The following ROBO1 variants were observed in gnomAD, a reference collection of about 807,000 sequenced individuals.
The protein encoded by ROBO1 is roundabout guidance receptor 1.
A neutral mutation model predicts 195.9 loss-of-function variants in ROBO1; 149 were observed. The observed-to-expected ratio is 0.76, with a 90% CI of 0.67 to 0.87. The LOEUF (loss-of-function observed/expected upper bound fraction) is 0.87, where lower values mean the gene tolerates loss of function less well. Among genes scored for constraint, ROBO1 ranks in the 40% least tolerant of loss-of-function variants. The probability of loss-of-function intolerance (pLI) is 0.00; values close to 1 mark genes in which losing one functional copy is unlikely to be tolerated. For missense variants in ROBO1, 1,933 were observed against 2,068.3 expected (o/e 0.93, Z 1.27); for synonymous variants, 816 against 733.2 (o/e 1.11, Z -1.82).
chr3:78,707,397 C>T (rs2081578558), intron 8 of ROBO1, among the ~76,000 whole-genome samples: 1 of 152,142 alleles, frequency 6.6e-6, no homozygotes, highest in Non-Finnish European at 1.5e-5. Context: ...TCCTTCACTG[C>T]ACAGTTGGCA....
At chr3:79,355,912 T>G (rs2035532494) in intron 2 of ROBO1, among the ~76,000 whole-genome samples, 1 of 152,206 alleles carries the variant, frequency 6.6e-6, no homozygotes, top group Admixed American at 6.5e-5. Context: ...TTTTATTTCC[T>G]TTTTGGATGT....
At chr3:79,327,209 T>A (rs2034248011) in intron 2 of ROBO1, among the ~76,000 whole-genome samples, 1 of 152,042 alleles carries the variant, frequency 6.6e-6, no homozygotes, top group African/African-American at 2.4e-5. Flanking sequence ...AATATTTCAT[T>A]TGAAGAAAAA....
chr3:79,503,614 G>C (rs556465296), intron 2 of ROBO1, among the ~76,000 whole-genome samples: 8 of 152,114 alleles, frequency 5.3e-5, no homozygotes, highest in Non-Finnish European at 1.0e-4. Flanking sequence ...TTGGAGGATA[G>C]GTCTGTGTCG....
At chr3:78,987,096 A>G (rs1214105870) in intron 3 of ROBO1, among the ~76,000 whole-genome samples, 1 of 146,930 alleles carries the variant, frequency 6.8e-6, no homozygotes, top group Non-Finnish European at 1.5e-5. Context: ...ATGACGAAGT[A>G]CTCTAAGTTT....
At position 79,499,702 on chromosome 3, in the gene ROBO1, A is replaced by G. The variant is rs754287361; in HGVS notation, c.88+90122T>C. Among the ~76,000 whole-genome samples the G allele has an allele frequency of 3.9e-5, 6 of 152,358 alleles. No individual in the cohort carries two copies. The East Asian group carries it at 9.6e-4, about 24-fold the overall frequency. Reference sequence around the variant, plus strand: ...GGTAATGTGAGTTTTGTCATTGGACATATCAGATAATTTACACTAGGTACA... The same window carrying G: ...GGTAATGTGAGTTTTGTCATTGGACGTATCAGATAATTTACACTAGGTACA... On this transcript the variant is annotated intron_variant, in intron 2 of 30. Transcript: ENST00000464233.
intron 2 of ROBO1, among the ~76,000 whole-genome samples, chr3:79,387,496 C>T (rs952804202): frequency 4.6e-5 from 7 of 150,684 alleles, no homozygotes; most frequent in Non-Finnish European, 1.0e-4. Context: ...ATTGCATATG[C>T]ATGTTTTTGA....
intron 2 of ROBO1, among the ~76,000 whole-genome samples, chr3:79,379,113 C>A (rs1559857708): frequency 7.7e-6 from 1 of 130,390 alleles, no homozygotes; most frequent in Non-Finnish European, 1.9e-5. Context: ...TACACATGTA[C>A]ACTACACATG....
rs1240509571 is a variant in ROBO1 at position 79,456,588 on chromosome 3, C to CA, written c.88+133235dup. Among the ~76,000 whole-genome samples, 15 of 152,154 alleles carry CA rather than the reference C, an allele frequency of 9.9e-5. No individual in the cohort carries two copies. In the South Asian group the frequency reaches 3.1e-3, roughly 32 times the overall value. The stretch of plus-strand genomic sequence containing the variant: ...ATTGCTGTACAAAGTACAGTGATTA[C>CA]AAAAAATACAGTAAGAACCAACATG... On this transcript the variant is annotated intron_variant, in intron 2 of 30. Transcript: ENST00000464233.
At chr3:79,425,086 A>C (rs2038392526) in intron 2 of ROBO1, among the ~76,000 whole-genome samples, 1 of 152,168 alleles carries the variant, frequency 6.6e-6, no homozygotes, top group Non-Finnish European at 1.5e-5. Context: ...AACATTCCTT[A>C]CAATTCTAGA....
intron 4 of ROBO1, among the ~76,000 whole-genome samples, chr3:78,754,854 G>C (rs1013129733): frequency 5.3e-5 from 8 of 152,188 alleles, no homozygotes; most frequent in African/African-American, 1.9e-4. Context: ...CAGTTAAGGT[G>C]AAGCCTGAGT....
chr3:78,736,564 G>A (rs2082397200), intron 5 of ROBO1, among the ~76,000 whole-genome samples: 2 of 152,080 alleles, frequency 1.3e-5, no homozygotes, highest in Admixed American at 1.3e-4. Context: ...AAAACCACAT[G>A]CCAAGACTCT....
chr3:79,693,750 T>A (rs950895795), intron 1 of ROBO1, among the ~76,000 whole-genome samples: 4 of 151,734 alleles, frequency 2.6e-5, no homozygotes, highest in Non-Finnish European at 5.9e-5. Context: ...GATTTGCTTT[T>A]TTATGAGGAC....
chr3:79,068,014 A>C (rs974780999), intron 3 of ROBO1, among the ~76,000 whole-genome samples: 4 of 151,902 alleles, frequency 2.6e-5, no homozygotes, highest in Non-Finnish European at 5.9e-5. Flanking sequence ...TGAGTGATCC[A>C]AGAGGAAAAG....
chr3:79,559,673 C>T (rs1031932442), intron 2 of ROBO1, among the ~76,000 whole-genome samples: 6 of 152,094 alleles, frequency 3.9e-5, no homozygotes, highest in African/African-American at 9.7e-5. Context: ...AATCCCAGAC[C>T]TTTGGGAGGT....
chr3:79,423,094 G>A (rs2038299006), intron 2 of ROBO1, among the ~76,000 whole-genome samples: 1 of 152,034 alleles, frequency 6.6e-6, no homozygotes. Context: ...AAATCAAACA[G>A]AATTAAACTA....
At chr3:79,766,887 TG>T (rs1433225162) in intron 1 of ROBO1, among the ~76,000 whole-genome samples, 1 of 152,188 alleles carries the variant, frequency 6.6e-6, no homozygotes, top group Non-Finnish European at 1.5e-5. Flanking sequence ...GAGCGCTTCC[TG>T]GTTCGTCCCA....
At chr3:79,522,788 T>C (rs1475012460) in intron 2 of ROBO1, among the ~76,000 whole-genome samples, 2 of 152,190 alleles carry the variant, frequency 1.3e-5, no homozygotes, top group Non-Finnish European at 2.9e-5. Flanking sequence ...ATATATTTTA[T>C]ATTAAATTCA....
intron 4 of ROBO1, among the ~76,000 whole-genome samples, chr3:78,758,387 T>G (rs2082995810): frequency 6.6e-6 from 1 of 151,678 alleles, no homozygotes; most frequent in Non-Finnish European, 1.5e-5. Context: ...TAGCTGGGTG[T>G]GGTGGCACAG....
intron 2 of ROBO1, among the ~76,000 whole-genome samples, chr3:79,460,014 G>A (rs1280867403): frequency 6.6e-6 from 1 of 151,954 alleles, no homozygotes; most frequent in East Asian, 1.9e-4. Flanking sequence ...GTTATGTGAT[G>A]TATTACAGAA....
Sources: gnomAD v4.1 joint callset for allele counts (sites outside exome capture counted in the v4.1 genomes callset) on GRCh38, gnomAD v4.1.1 for gene constraint, MANE v1.5 for transcripts, NCBI Gene and HGNC (gene_info 2026-07-23, HGNC 2026-07-21) for gene names.